The following PACS2 variants were observed in gnomAD, a reference collection of about 807,000 sequenced individuals.
PACS2 encodes the protein phosphofurin acidic cluster sorting protein 2.
PACS2 carries 36 observed loss-of-function variants against 113.0 expected under a neutral mutation model. The observed-to-expected ratio is 0.32, with a 90% CI of 0.24 to 0.42. The LOEUF (loss-of-function observed/expected upper bound fraction) is 0.42. PACS2 is among the 10% of genes least tolerant of loss of function. PACS2 has a pLI of 1.00. For missense variants in PACS2, 1,015 were observed against 1,239.5 expected (o/e 0.82, Z 2.72); for synonymous variants, 589 against 536.1 (o/e 1.10, Z -1.36).
At chr14:105,303,998 T>C (rs1315310706) in intron 1 of PACS2, among the ~76,000 whole-genome samples, 2 of 152,236 alleles carry the variant, frequency 1.3e-5, no homozygotes, top group African/African-American at 2.4e-5. Flanking sequence ...TGCTCTCACC[T>C]GACAGACTAG....
chr14:105,321,555 G>GT (rs995419512), intron 1 of PACS2, among the ~76,000 whole-genome samples: 2 of 152,122 alleles, frequency 1.3e-5, no homozygotes, highest in African/African-American at 4.8e-5. Flanking sequence ...TAGAGACTGG[G>GT]TTTTTCCATG....
rs374637968 is a variant in PACS2 at position 105,368,120 on chromosome 14, G to A, written c.633G>A (p.Glu211=). The change falls in exon 6 of 25, where the codon GAG becomes GAA. Residue 211 remains glutamate (E), a synonymous_variant. Coordinates refer to ENST00000447393, the MANE Select transcript of PACS2 (RefSeq NM_001100913.3). The stretch of plus-strand genomic sequence containing the variant: ...ATGAGAGCTTCTCCTCCGAGCAGGA[G>A]GCCAGTGACGACGCCGTGCAGGGGC... ...EEYESFSSEQ[E]ASDDAVQGQD... The A allele has an allele frequency of 9.5e-5, 153 of 1,611,292 alleles. No homozygotes were observed. The highest frequency in any genetic ancestry group is 1.2e-4 in the Non-Finnish European group (147 of 1,178,982).
chr14:105,355,288 G>T lies in PACS2; in HGVS notation c.423+111G>T. Reference sequence around the variant, plus strand: ...CCGGGTCCAGATGTCCAGGGATCAGGTGAAAATGATGAGAGGAGCCTGGGC... The same window carrying T: ...CCGGGTCCAGATGTCCAGGGATCAGTTGAAAATGATGAGAGGAGCCTGGGC... On this transcript the variant is annotated intron_variant, in intron 4 of 24. Coordinates refer to ENST00000447393, the MANE Select transcript of PACS2 (RefSeq NM_001100913.3). This position sits in a 1 kb window ranked among gnomAD's most constrained non-coding sequence, Gnocchi z 4.1. 2 of 1,318,714 alleles carry T rather than the reference G, an allele frequency of 1.5e-6. No individual in the cohort carries two copies. Among genetic ancestry groups the T allele is most frequent in the Non-Finnish European group, 2.0e-6 (2 of 976,110 alleles). The allele number at this position is 1,318,714 out of a possible 1,614,324, so 81.7% of individuals were successfully genotyped here.
chr14:105,337,756 G>C (rs1555400815), intron 1 of PACS2, among the ~76,000 whole-genome samples: 1 of 152,198 alleles, frequency 6.6e-6, no homozygotes, highest in Admixed American at 6.5e-5. Flanking sequence ...CTGAGATCCT[G>C]TCCCACCCCT....
Position 105,395,131 on chromosome 14 carries a change from CGCCT to C in PACS2, c.*460_*463del, listed in dbSNP as rs1248244175. ...TTGAGCCTGGGGGGGCCGTCCTGCCCGCCTAAGAGATGCCCCCAGCACCGCACAC... is the reference window on the plus strand; with the variant it reads ...TTGAGCCTGGGGGGGCCGTCCTGCCCAAGAGATGCCCCCAGCACCGCACAC... On this transcript the variant is annotated 3_prime_UTR_variant, in exon 25 of 25. Coordinates refer to ENST00000447393, the MANE Select transcript of PACS2 (RefSeq NM_001100913.3). 6.1e-6 allele frequency: 1 copy of C among 164,838 alleles called. No homozygotes were observed. Among genetic ancestry groups the C allele is most frequent in the African/African-American group, 2.4e-5 (1 of 41,820 alleles). 10.2% of individuals were successfully genotyped at this position (164,838 alleles called of 1,614,324 possible). A position where few individuals can be genotyped will look rare whatever the true frequency, so the allele number is the denominator to read the frequency against.
At chr14:105,382,383 G>C in intron 13 of PACS2, 94 bp from the exon 14 acceptor site, 2 of 792,938 alleles carry the variant, frequency 2.5e-6, no homozygotes, top group South Asian at 3.0e-5. Context: ...TGTGGCTGCA[G>C]GGGGAGCAGG....
At chr14:105,309,796 T>C (rs2058295463), upstream of PACS2, among the ~76,000 whole-genome samples, 2 of 147,894 alleles carry the variant, frequency 1.4e-5, no homozygotes, top group Admixed American at 1.3e-4. This position sits in a 1 kb window ranked among gnomAD's most constrained non-coding sequence, Gnocchi z 4.0. Context: ...TTTTTTTTTT[T>C]TTTTTTTTAG....
intron 3 of PACS2, among the ~76,000 whole-genome samples, chr14:105,352,922 T>C: frequency 9.9e-6 from 1 of 101,156 alleles, no homozygotes; most frequent in African/African-American, 4.0e-5. Flanking sequence ...CACTGTCCCC[T>C]GGGGAGATGG....
chr14:105,301,363 C>T (rs1255894291), intron 1 of PACS2: 6 of 149,964 alleles, frequency 4.0e-5, no homozygotes, highest in African/African-American at 1.2e-4. Context: ...GCGAAGGGAA[C>T]TGGAGCTGTG....
At position 105,365,887 on chromosome 14, in the gene PACS2, G is replaced by T. The variant is rs1309313687; in HGVS notation, c.424-1326G>T. On this transcript the variant is annotated intron_variant, in intron 4 of 24. Coordinates refer to ENST00000447393, the MANE Select transcript of PACS2 (RefSeq NM_001100913.3). The surrounding 1 kb of genome is among the most constrained non-coding windows in gnomAD (Gnocchi z 5.1). ...TACGTGAAGCTGCGTGTGCCCCGGC[G>T]AGTTGTGGGCACGAGGGCGTCAGCA... is the stretch of plus-strand genomic sequence containing the variant. Among the ~76,000 whole-genome samples, 1 of 152,264 alleles carries T rather than the reference G, an allele frequency of 6.6e-6. No individual in the cohort carries two copies.
chr14:105,388,302 C>CA (rs1555414057), intron 19 of PACS2, among the ~76,000 whole-genome samples: 3 of 152,220 alleles, frequency 2.0e-5, no homozygotes, highest in Non-Finnish European at 4.4e-5. Context: ...ACAGGGAAGG[C>CA]ACCTGCTGGG....
At chr14:105,305,996 C>G (rs2058176994) in intron 1 of PACS2, among the ~76,000 whole-genome samples, 1 of 152,236 alleles carries the variant, frequency 6.6e-6, no homozygotes, top group Admixed American at 6.5e-5. Context: ...AGACCTGACT[C>G]CAGCACACAG....
At chr14:105,307,869 C>T (rs1460549052) in intron 1 of PACS2, among the ~76,000 whole-genome samples, 4 of 152,196 alleles carry the variant, frequency 2.6e-5, no homozygotes, top group Non-Finnish European at 5.9e-5. Context: ...GGTGAGGCTC[C>T]AGTCCACCTT....
chr14:105,306,042 G>A (rs942643565), intron 1 of PACS2, among the ~76,000 whole-genome samples: 1 of 152,354 alleles, frequency 6.6e-6, no homozygotes, highest in East Asian at 1.9e-4. Context: ...GTGTGGGGCA[G>A]GAACATTCCT....
At chr14:105,374,186 A>C (rs998297471) in intron 8 of PACS2, among the ~76,000 whole-genome samples, 2 of 152,074 alleles carry the variant, frequency 1.3e-5, no homozygotes, top group African/African-American at 4.8e-5. Context: ...AAATGGATCA[A>C]ATATCTCCAT....
intron 20 of PACS2, 44 bp from the exon 21 acceptor site, chr14:105,391,163 C>T (rs2081342835): frequency 6.5e-7 from 1 of 1,539,502 alleles, no homozygotes. Flanking sequence ...GCTGGGCTAG[C>T]TGAATTGCAC....
intron 1 of PACS2, among the ~76,000 whole-genome samples, chr14:105,331,571 T>C (rs1368076141): frequency 6.6e-6 from 1 of 152,194 alleles, no homozygotes; most frequent in Non-Finnish European, 1.5e-5. Flanking sequence ...GCACGAACCA[T>C]TGTGCCTGGC....
At chr14:105,383,559 G>A (rs1367005383) in intron 16 of PACS2, 46 bp downstream of exon 16, 9 of 1,529,392 alleles carry the variant, frequency 5.9e-6, no homozygotes, top group Non-Finnish European at 7.9e-6. Flanking sequence ...GATGCCACGG[G>A]CAGTGTGGCG....
chr14:105,391,867 C>A, intron 22 of PACS2, 101 bp downstream of exon 22: 1 of 1,252,286 alleles, frequency 8.0e-7, no homozygotes, highest in Non-Finnish European at 1.1e-6. Context: ...TCCCAGGGCA[C>A]CTGGCCTGTC....
Sources: gnomAD v4.1 joint callset for allele counts (sites outside exome capture counted in the v4.1 genomes callset) on GRCh38, gnomAD v4.1.1 for gene constraint, Gnocchi (gnomAD v3.1) non-coding constraint, MANE v1.5 for transcripts, NCBI Gene and HGNC (gene_info 2026-07-23, HGNC 2026-07-21) for gene names.